The following LETM1 variants were observed in gnomAD, a reference collection of about 807,000 sequenced individuals.
LETM1 encodes the protein leucine zipper and EF-hand containing transmembrane protein 1.
LETM1 carries 50 observed loss-of-function variants against 74.5 expected under a neutral mutation model. The observed-to-expected ratio is 0.67, with a 90% CI of 0.53 to 0.85. The LOEUF (loss-of-function observed/expected upper bound fraction) is 0.85, where lower values mean the gene tolerates loss of function less well. Among genes scored for constraint, LETM1 ranks in the 40% least tolerant of loss-of-function variants. The pLI, the probability that LETM1 is intolerant of heterozygous loss-of-function variation, is 0.00. For synonymous variants in LETM1, 446 were observed against 407.1 expected (o/e 1.10, Z -1.15); for missense variants, 824 against 967.8 (o/e 0.85, Z 1.97).
intron 13 of LETM1, among the ~76,000 whole-genome samples, chr4:1,815,090 G>A (rs1212238979): frequency 1.3e-5 from 2 of 152,384 alleles, no homozygotes; most frequent in African/African-American, 4.8e-5. Context: ...AGATGTCAGT[G>A]ATTGGGAAAA....
rs555402718 is a variant in LETM1 at position 1,832,737 on chromosome 4, G to A, written c.1080+7C>T. On this transcript the variant is annotated splice_region_variant and intron_variant, in intron 6 of 13. Coordinates refer to ENST00000302787, the MANE Select transcript of LETM1 (RefSeq NM_012318.3). ...AGAGCTGTGGCGCGGAGTATGGCCA[G>A]GCTCACCTTGTCGTCTGCCTTTATG... 254 of 1,613,842 alleles carry A rather than the reference G, an allele frequency of 1.6e-4. 5 individuals are homozygous for A. In the South Asian group the frequency reaches 2.6e-3, roughly 17 times the overall value.
At chr4:1,821,286 G>A (rs1204318118) in intron 10 of LETM1, among the ~76,000 whole-genome samples, 3 of 151,740 alleles carry the variant, frequency 2.0e-5, no homozygotes, top group Non-Finnish European at 2.9e-5. Context: ...TAGAAATGGG[G>A]TTTCACCATG....
chr4:1,837,692 T>G (rs1712503891), intron 3 of LETM1, among the ~76,000 whole-genome samples: 1 of 151,322 alleles, frequency 6.6e-6, no homozygotes, highest in African/African-American at 2.4e-5. Flanking sequence ...AAAATCCAAA[T>G]TTACAAGTTT....
chr4:1,816,854 A>C lies in LETM1; in HGVS notation c.1804T>G (p.Ser602Ala). The change falls in exon 12 of 14, where the codon TCT becomes GCT. Residue 602 changes from serine (S) to alanine (A), a missense_variant. Physicochemically the swap from Ser to Ala is moderately conservative, Grantham distance 99. Coordinates refer to ENST00000302787, the MANE Select transcript of LETM1 (RefSeq NM_012318.3). ...TTTGTCAATCTCTTGCTGGCTTTAG[A>C]TTCTTCCACGTACTTTTCTTCACCA... ...KTGEEKYVEE[S>A]KASKRLTKRV... The C allele has an allele frequency of 6.2e-7, 1 of 1,614,084 alleles. No individual in the cohort carries two copies. The highest frequency in any genetic ancestry group is 8.5e-7 in the Non-Finnish European group (1 of 1,179,948).
At chr4:1,829,866 A>G (rs1038646214) in intron 6 of LETM1, among the ~76,000 whole-genome samples, 2 of 151,906 alleles carry the variant, frequency 1.3e-5, no homozygotes, top group African/African-American at 2.4e-5. Flanking sequence ...TAAATGAAAC[A>G]ACGACACACA....
At chr4:1,850,993 T>C (rs1049153618) in intron 1 of LETM1, among the ~76,000 whole-genome samples, 2 of 152,120 alleles carry the variant, frequency 1.3e-5, no homozygotes, top group South Asian at 4.1e-4. Flanking sequence ...AGCCATTTCT[T>C]GTATAAACAA....
At chr4:1,851,969 G>A (rs1007768134) in intron 1 of LETM1, among the ~76,000 whole-genome samples, 1 of 152,250 alleles carries the variant, frequency 6.6e-6, no homozygotes, top group African/African-American at 2.4e-5. Flanking sequence ...CGTTCGGGGT[G>A]ATGGGGATCA....
intron 13 of LETM1, among the ~76,000 whole-genome samples, chr4:1,815,409 G>A (rs989165612): frequency 2.0e-5 from 3 of 152,220 alleles, no homozygotes; most frequent in African/African-American, 4.8e-5. Flanking sequence ...GCTGGGGGCG[G>A]GGTCCAGGGA....
intron 2 of LETM1, among the ~76,000 whole-genome samples, chr4:1,844,038 G>A (rs921432652): frequency 2.0e-5 from 3 of 152,184 alleles, no homozygotes; most frequent in African/African-American, 7.2e-5. Context: ...TAGCAAGGAC[G>A]ATGGTGGCTT....
At chr4:1,848,759 C>T (rs1041703766) in intron 2 of LETM1, among the ~76,000 whole-genome samples, 4 of 149,508 alleles carry the variant, frequency 2.7e-5, no homozygotes, top group African/African-American at 9.8e-5. Context: ...GTCGCAGTTT[C>T]CAAGAACCTA....
intron 13 of LETM1, among the ~76,000 whole-genome samples, chr4:1,815,302 G>A (rs1301488417): frequency 3.3e-5 from 5 of 152,168 alleles, no homozygotes; most frequent in South Asian, 2.1e-4. Flanking sequence ...CCCCCGGCAG[G>A]TGTGAAGTGC....
intron 1 of LETM1, among the ~76,000 whole-genome samples, chr4:1,853,182 G>A (rs1713122639): frequency 6.6e-6 from 1 of 151,860 alleles, no homozygotes; most frequent in East Asian, 1.9e-4. Context: ...GGCGGCTCAG[G>A]CCAGAGGCCA....
At chr4:1,851,473 T>A (rs1407910237) in intron 1 of LETM1, among the ~76,000 whole-genome samples, 1 of 152,230 alleles carries the variant, frequency 6.6e-6, no homozygotes, top group Non-Finnish European at 1.5e-5. Flanking sequence ...ACTCTCCTGG[T>A]TCTGTGGGGA....
chr4:1,822,300 G>A lies in LETM1; in HGVS notation c.1489C>T (p.Pro497Ser), dbSNP rs1297421329. 3 of 1,508,722 alleles carry A rather than the reference G, an allele frequency of 2.0e-6. No individual in the cohort carries two copies. The highest frequency in any genetic ancestry group is 1.3e-5 in the South Asian group (1 of 76,858). The allele number at this position is 1,508,722 out of a possible 1,614,324, so 93.5% of individuals were successfully genotyped here. The part of the protein sequence containing the change: ...KRSEVAKDFE[P>S]ERVVAAPQRP... ...TGGGGAGCAGCTACCACACGTTCGG[G>A]CTCAAAATCCTTCTGAAAGGCAAGG... The change falls in exon 10 of 14, where the codon CCC (proline) becomes TCC (serine). Residue 497 changes from proline to serine, a missense_variant. Physicochemically the swap from Pro to Ser is moderately conservative, Grantham distance 74 (BLOSUM62 -1). Transcript: ENST00000302787.
At chr4:1,833,073 C>CTT (rs111298028) in intron 5 of LETM1, 126 bp from the exon 6 acceptor site, 108 of 631,380 alleles carry the variant, frequency 1.7e-4, no homozygotes, top group Non-Finnish European at 1.9e-4. Context: ...ACTACTTCTT[C>CTT]TTTTTTTTTT....
In LETM1 at chr4:1,816,919, T is replaced by C; in HGVS notation, c.1744-5A>G. 6.2e-7 allele frequency: 1 copy of C among 1,606,858 alleles called. No individual in the cohort carries two copies. The highest frequency in any genetic ancestry group is 8.5e-7 in the Non-Finnish European group (1 of 1,175,044). ...CTTCTTGATCTCCTGCAAGTCCTAATAAAATTATTTTGGTTGTAAAAAGTT... is the reference window on the plus strand; with the variant it reads ...CTTCTTGATCTCCTGCAAGTCCTAACAAAATTATTTTGGTTGTAAAAAGTT... On this transcript the variant is annotated splice_polypyrimidine_tract_variant and splice_region_variant and intron_variant, in intron 11 of 13. Coordinates refer to ENST00000302787, the MANE Select transcript of LETM1 (RefSeq NM_012318.3).
intron 11 of LETM1, among the ~76,000 whole-genome samples, chr4:1,817,770 A>C (rs2108835491): frequency 6.6e-6 from 1 of 152,136 alleles, no homozygotes; most frequent in Non-Finnish European, 1.5e-5. Flanking sequence ...AATCAAGGAA[A>C]TTAAGTGTCT....
At position 1,855,898 on chromosome 4, in the gene LETM1, G is replaced by T; in HGVS notation, c.53C>A (p.Pro18Gln). ...SCRGRAPARL[P>Q]PPPRYTVPRG... ...CGGGACGGTGTACCGAGGCGGCGGC[G>T]GGAGGCGGGCGGGCGCCCGGCCGCG... Residue 18 changes from proline to glutamine, a missense_variant, in exon 1 of 14, where the codon CCG (proline) becomes CAG (glutamine). By Grantham distance (76) the Pro-to-Gln change is moderately conservative. Around this residue, in one of 4 missense-constraint regions of LETM1, gnomAD observed 222 missense variants for 195.6 expected, o/e 1.14. Coordinates refer to ENST00000302787, the MANE Select transcript of LETM1 (RefSeq NM_012318.3). 1 of 1,240,462 alleles carries T rather than the reference G, an allele frequency of 8.1e-7. No individual in the cohort carries two copies. The highest frequency in any genetic ancestry group is 3.4e-5 in the South Asian group (1 of 29,736). 76.8% of individuals were successfully genotyped at this position (1,240,462 alleles called of 1,614,324 possible). A position where few individuals can be genotyped will look rare whatever the true frequency, so the allele number is the denominator to read the frequency against.
rs1190765891 is a variant in LETM1, at chr4:1,822,206, G to A, written c.1583C>T (p.Thr528Ile). 4.0e-6 allele frequency: 6 copies of A among 1,490,076 alleles called. No individual in the cohort carries two copies. The highest frequency in any genetic ancestry group is 5.2e-5 in the East Asian group (2 of 38,682). 92.3% of individuals were successfully genotyped at this position (1,490,076 alleles called of 1,614,324 possible). ...CTTCAAGCCCTCCAGCACCGGGGCA[G>A]TGTCCTTCAAGGTCTCTGACTGCAG... is the stretch of plus-strand genomic sequence containing the variant. Reference protein sequence around the residue: ...TVLQSETLKDTAPVLEGLKEE... With the variant: ...TVLQSETLKDIAPVLEGLKEE... The change falls in exon 10 of 14, where the codon ACT (threonine) becomes ATT (isoleucine). Residue 528 changes from threonine to isoleucine, a missense_variant. By Grantham distance (89) the Thr-to-Ile change is moderately conservative. Around this residue, in one of 4 missense-constraint regions of LETM1, gnomAD observed 172 missense variants for 170.7 expected, o/e 1.01. Transcript: ENST00000302787.
Sources: gnomAD v4.1 joint callset for allele counts (sites outside exome capture counted in the v4.1 genomes callset) on GRCh38, gnomAD v4.1.1 for gene constraint, gnomAD v4.1.1 regional missense constraint, MANE v1.5 for transcripts, NCBI Gene and HGNC (gene_info 2026-07-23, HGNC 2026-07-21) for gene names.